The following TTC27 variants were observed in gnomAD, a reference collection of about 807,000 sequenced individuals.
TTC27 encodes tetratricopeptide repeat protein 27.
TTC27 carries 79 observed loss-of-function variants against 115.9 expected under a neutral mutation model. That is an observed-to-expected ratio of 0.68 (90% CI 0.57 to 0.82). The LOEUF (loss-of-function observed/expected upper bound fraction) is 0.82. Among genes scored for constraint, TTC27 ranks in the 40% least tolerant of loss-of-function variants. TTC27 has a pLI of 0.00. For synonymous variants in TTC27, 401 were observed against 356.0 expected (o/e 1.13, Z -1.42); for missense variants, 1,054 against 993.1 (o/e 1.06, Z -0.82).
chr2:32,680,886 G>A (rs1387066490), intron 9 of TTC27, among the ~76,000 whole-genome samples: 1 of 152,152 alleles, frequency 6.6e-6, no homozygotes, highest in South Asian at 2.1e-4. Flanking sequence ...GTGTGGCGGG[G>A]GTTCCCTTTC....
intron 12 of TTC27, among the ~76,000 whole-genome samples, chr2:32,745,320 C>T (rs1668786896): frequency 6.6e-6 from 1 of 152,096 alleles, no homozygotes; most frequent in South Asian, 2.1e-4. Flanking sequence ...CTCCCTGAGG[C>T]AGACATGATG....
At chr2:32,711,158 A>C (rs1667566680) in intron 10 of TTC27, among the ~76,000 whole-genome samples, 1 of 150,830 alleles carries the variant, frequency 6.6e-6, no homozygotes, top group African/African-American at 2.4e-5. Context: ...AGAAGAAGAG[A>C]AGAGCCAAAT....
At chr2:32,701,826 G>A (rs1261259745) in intron 9 of TTC27, among the ~76,000 whole-genome samples, 7 of 151,932 alleles carry the variant, frequency 4.6e-5, no homozygotes, top group East Asian at 3.8e-4. Flanking sequence ...GCAACATAGC[G>A]AGATCCTGTC....
chr2:32,670,112 G>A (rs1347743900), intron 7 of TTC27, among the ~76,000 whole-genome samples: 1 of 151,408 alleles, frequency 6.6e-6, no homozygotes, highest in African/African-American at 2.4e-5. Flanking sequence ...TTCTGACGTC[G>A]GGTGATCCGC....
chr2:32,708,730 G>A (rs1667471858), intron 10 of TTC27, among the ~76,000 whole-genome samples: 1 of 152,014 alleles, frequency 6.6e-6, no homozygotes. Flanking sequence ...TTAGCAGCCT[G>A]AAACCATGTT....
chr2:32,805,528 A>T (rs564585724), intron 16 of TTC27, among the ~76,000 whole-genome samples: 26 of 152,350 alleles, frequency 1.7e-4, no homozygotes, highest in Middle Eastern at 3.4e-3. Flanking sequence ...CGGGTAGGTC[A>T]CGTGCTTAGC....
At chr2:32,634,316 A>G (rs1664329383) in intron 3 of TTC27, among the ~76,000 whole-genome samples, 1 of 149,324 alleles carries the variant, frequency 6.7e-6, no homozygotes, top group Non-Finnish European at 1.5e-5. Flanking sequence ...TTTTTTTGAG[A>G]TGGTATCTCA....
rs529495585 is a variant in TTC27, at chr2:32,732,172, C to T, written c.1234-1656C>T. On this transcript the variant is annotated intron_variant, in intron 10 of 19. Coordinates refer to ENST00000317907, the MANE Select transcript of TTC27 (RefSeq NM_017735.5). The stretch of plus-strand genomic sequence containing the variant: ...TTTATGTATTGTAACCATATGTATG[C>T]AGCCAGAAGTTATTCTTCTCTACCC... 6.6e-5 allele frequency among the ~76,000 whole-genome samples: 10 copies of T among 152,282 alleles called. No individual in the cohort carries two copies. In the South Asian group the frequency reaches 8.3e-4, roughly 13 times the overall value.
intron 3 of TTC27, among the ~76,000 whole-genome samples, chr2:32,638,585 G>A (rs1474014904): frequency 6.6e-6 from 1 of 151,916 alleles, no homozygotes; most frequent in Non-Finnish European, 1.5e-5. Flanking sequence ...CACCATGTTG[G>A]CCAGGCTGTT....
intron 13 of TTC27, among the ~76,000 whole-genome samples, chr2:32,773,156 C>T (rs951797462): frequency 1.3e-5 from 2 of 152,206 alleles, no homozygotes; most frequent in African/African-American, 2.4e-5. Flanking sequence ...TTTTGTGTTT[C>T]TCTATTGGCT....
chr2:32,759,685 G>A (rs1669368338), intron 13 of TTC27, among the ~76,000 whole-genome samples: 1 of 152,144 alleles, frequency 6.6e-6, no homozygotes, highest in Non-Finnish European at 1.5e-5. Flanking sequence ...TTTTCATCCT[G>A]TAAAACCAAA....
chr2:32,819,256 G>A (rs1323015806), intron 19 of TTC27, among the ~76,000 whole-genome samples: 2 of 152,060 alleles, frequency 1.3e-5, no homozygotes, highest in East Asian at 1.9e-4. Flanking sequence ...CCATATTATG[G>A]TAGATTCCCA....
intron 10 of TTC27, among the ~76,000 whole-genome samples, chr2:32,720,325 A>G (rs564340465): frequency 1.5e-3 from 223 of 152,330 alleles, no homozygotes; most frequent in Middle Eastern, 3.4e-3. Flanking sequence ...TGAACACTCA[A>G]TGGATGTTTG....
intron 19 of TTC27, among the ~76,000 whole-genome samples, chr2:32,818,574 A>G (rs1425360209): frequency 6.6e-6 from 1 of 152,242 alleles, no homozygotes; most frequent in Non-Finnish European, 1.5e-5. Flanking sequence ...GGATGGACCC[A>G]GGAAATCTGT....
At chr2:32,797,425 G>A (rs916854995) in intron 16 of TTC27, among the ~76,000 whole-genome samples, 2 of 152,020 alleles carry the variant, frequency 1.3e-5, no homozygotes, top group Non-Finnish European at 2.9e-5. Flanking sequence ...CAGCCTGCCC[G>A]CCTCTGCTTC....
intron 8 of TTC27, among the ~76,000 whole-genome samples, chr2:32,672,942 C>T (rs1444158695): frequency 6.6e-6 from 1 of 152,156 alleles, no homozygotes; most frequent in Non-Finnish European, 1.5e-5. Flanking sequence ...CTATCAAAAT[C>T]AGAAAATTAA....
At chr2:32,692,439 T>A (rs995153584) in intron 9 of TTC27, among the ~76,000 whole-genome samples, 7 of 151,966 alleles carry the variant, frequency 4.6e-5, no homozygotes, top group Non-Finnish European at 1.0e-4. Flanking sequence ...GGGAGTTGTT[T>A]AATGGGTATA....
At position 32,630,700 on chromosome 2, in the gene TTC27, G is replaced by A; in HGVS notation, c.266G>A (p.Arg89Lys). ...TCAACAGATTTGGACACAACGGAAA[G>A]GTAGAATTTTATTTGAAATTTTCAT... The part of the protein sequence containing the change: ...DYSTDLDTTE[R>K]QQLIFLLGVS... Residue 89 changes from arginine to lysine, a missense_variant and splice_region_variant, in exon 2 of 20, where the codon AGA becomes AAA. Arg to Lys is a conservative substitution (Grantham distance 26). Coordinates refer to ENST00000317907, the MANE Select transcript of TTC27 (RefSeq NM_017735.5). The A allele has an allele frequency of 1.3e-6, 2 of 1,595,588 alleles. No individual in the cohort carries two copies. Among genetic ancestry groups the A allele is most frequent in the Non-Finnish European group, 1.7e-6 (2 of 1,173,174 alleles).
intron 9 of TTC27, among the ~76,000 whole-genome samples, chr2:32,690,752 A>G (rs2151894771): frequency 6.6e-6 from 1 of 152,370 alleles, no homozygotes; most frequent in South Asian, 2.1e-4. Context: ...CTGCTCTTCC[A>G]CTTCTACTGG....
Sources: allele counts gnomAD v4.1 joint callset (sites outside exome capture counted in the v4.1 genomes callset), GRCh38; gene constraint gnomAD v4.1.1; transcripts MANE v1.5; gene names NCBI Gene and HGNC (gene_info 2026-07-23, HGNC 2026-07-21).